The following DTNA variants were observed in gnomAD, a reference collection of about 807,000 sequenced individuals.
DTNA encodes dystrobrevin alpha, also known as dystrophin-related protein 3.
Under a neutral mutation model 100.7 loss-of-function variants are expected in DTNA, and 43 were observed. That is an observed-to-expected ratio of 0.43 (90% CI 0.33 to 0.55). DTNA has a LOEUF of 0.55. Among genes scored for constraint, DTNA ranks in the 20% least tolerant of loss-of-function variants. DTNA has a pLI of 0.04. For synonymous variants in DTNA, 349 were observed against 347.9 expected (o/e 1.00, Z -0.04); for missense variants, 798 against 953.9 (o/e 0.84, Z 2.15).
chr18:34,511,835 T>C (rs1037375972), intron 1 of DTNA, among the ~76,000 whole-genome samples: 8 of 152,068 alleles, frequency 5.3e-5, no homozygotes, highest in African/African-American at 1.7e-4. Context: ...TATTTAAATA[T>C]ATTAGGTGAG....
chr18:34,546,720 T>C (rs1352095750), intron 1 of DTNA, among the ~76,000 whole-genome samples: 1 of 152,000 alleles, frequency 6.6e-6, no homozygotes, highest in Non-Finnish European at 1.5e-5. Context: ...ACCCAGTAAT[T>C]ACCTGCCCTT....
chr18:34,807,492 G>C (rs986650996), intron 5 of DTNA, among the ~76,000 whole-genome samples: 2 of 152,166 alleles, frequency 1.3e-5, no homozygotes, highest in Non-Finnish European at 2.9e-5. Context: ...TTCTGAGTGA[G>C]ATCGCTTGCT....
intron 1 of DTNA, among the ~76,000 whole-genome samples, chr18:34,503,876 G>T (rs2040212302): frequency 6.6e-6 from 1 of 150,732 alleles, no homozygotes; most frequent in African/African-American, 2.4e-5. Context: ...GCCCAGGCTG[G>T]CCAGGCTGGA....
At chr18:34,838,193 C>T in intron 12 of DTNA, 22 bp downstream of exon 12, 1 of 1,612,328 alleles carries the variant, frequency 6.2e-7, no homozygotes, top group Non-Finnish European at 8.5e-7. Context: ...CCAGAGTGTA[C>T]TGGAACCCTG....
chr18:34,827,753 C>G (rs1002628660), intron 10 of DTNA, 77 bp downstream of exon 10: 83 of 1,427,844 alleles, frequency 5.8e-5, no homozygotes, highest in Non-Finnish European at 1.5e-5. Flanking sequence ...AAAATATTCT[C>G]ATGCAAGCCA....
intron 1 of DTNA, among the ~76,000 whole-genome samples, chr18:34,734,273 G>T (rs1842410): frequency 5.3e-5 from 8 of 152,048 alleles, no homozygotes; most frequent in Non-Finnish European, 1.2e-4. Flanking sequence ...GACAAAGGTC[G>T]AAAGGCTGAT....
chr18:34,667,927 A>G (rs1051448025), intron 1 of DTNA, among the ~76,000 whole-genome samples: 4 of 152,318 alleles, frequency 2.6e-5, no homozygotes, highest in African/African-American at 9.6e-5. Context: ...CATCAGGATG[A>G]TGCTGGCCTC....
At chr18:34,577,344 G>C (rs1267287101) in intron 1 of DTNA, among the ~76,000 whole-genome samples, 2 of 152,016 alleles carry the variant, frequency 1.3e-5, no homozygotes, top group Non-Finnish European at 2.9e-5. Context: ...CAATCAATAT[G>C]TGTTTTTATA....
chr18:34,871,657 A>T (rs755262730), intron 17 of DTNA, among the ~76,000 whole-genome samples: 3 of 152,204 alleles, frequency 2.0e-5, no homozygotes, highest in Non-Finnish European at 4.4e-5. Context: ...ACTCAGTGAC[A>T]TCATCACTGA....
chr18:34,747,104 C>CTATCTATCTATATA lies in DTNA; in HGVS notation c.-1-8869_-1-8868insCTATCTATATATAT, dbSNP rs1041438583. Among the ~76,000 whole-genome samples, 1,129 of 148,308 alleles carry CTATCTATCTATATA rather than the reference C, an allele frequency of 7.6e-3. 20 individuals are homozygous for CTATCTATCTATATA. Among genetic ancestry groups the CTATCTATCTATATA allele is most frequent in the African/African-American group, 0.027 (1,087 of 39,848 alleles). ...CCCATATCTATATCTATATCTGTAT[C>CTATCTATCTATATA]TATATATATATATATATGTTTATGT... On this transcript the variant is annotated intron_variant, in intron 1 of 22. Coordinates refer to ENST00000444659, the MANE Select transcript of DTNA (RefSeq NM_001386795.1).
chr18:34,648,410 G>C (rs1417999405), intron 1 of DTNA, among the ~76,000 whole-genome samples: 1 of 152,190 alleles, frequency 6.6e-6, no homozygotes, highest in Non-Finnish European at 1.5e-5. Context: ...CTAGTTGGGA[G>C]ACTATTGGAA....
chr18:34,730,732 A>T (rs2087907018), intron 1 of DTNA, among the ~76,000 whole-genome samples: 2 of 152,048 alleles, frequency 1.3e-5, no homozygotes, highest in South Asian at 4.2e-4. Context: ...CTGTCCCCTA[A>T]CCTGTTATTC....
At chr18:34,509,363 G>C (rs2040807599) in intron 1 of DTNA, among the ~76,000 whole-genome samples, 1 of 152,064 alleles carries the variant, frequency 6.6e-6, no homozygotes, top group Non-Finnish European at 1.5e-5. Context: ...AAAATGCTTT[G>C]ATAGGAAGTA....
At chr18:34,818,505 G>A in intron 8 of DTNA, 175 bp downstream of exon 8, 1 of 1,500,104 alleles carries the variant, frequency 6.7e-7, no homozygotes, top group Non-Finnish European at 8.9e-7. Context: ...TACTTATTCT[G>A]TTGGAACCCA....
At chr18:34,768,981 A>T (rs1346296565) in intron 3 of DTNA, among the ~76,000 whole-genome samples, 1 of 152,184 alleles carries the variant, frequency 6.6e-6, no homozygotes, top group Non-Finnish European at 1.5e-5. Context: ...ACTTTCCTAG[A>T]GAAGGAGATA....
At chr18:34,520,661 A>AT (rs1251700265) in intron 1 of DTNA, among the ~76,000 whole-genome samples, 1 of 152,092 alleles carries the variant, frequency 6.6e-6, no homozygotes, top group Admixed American at 6.6e-5. Context: ...GTCTCAAAAA[A>AT]AAATAATAAT....
At chr18:34,781,393 T>A (rs2094314599) in intron 3 of DTNA, among the ~76,000 whole-genome samples, 1 of 152,194 alleles carries the variant, frequency 6.6e-6, no homozygotes, top group Non-Finnish European at 1.5e-5. Flanking sequence ...TCTTTGTGAT[T>A]AGAGCATTTA....
chr18:34,546,070 A>C (rs1314418113), intron 1 of DTNA, among the ~76,000 whole-genome samples: 1 of 152,124 alleles, frequency 6.6e-6, no homozygotes, highest in Non-Finnish European at 1.5e-5. Context: ...ATTTCCTGTA[A>C]ATTGGTACAA....
At chr18:34,885,259 A>T (rs1260144474) in intron 22 of DTNA, among the ~76,000 whole-genome samples, 2 of 152,196 alleles carry the variant, frequency 1.3e-5, no homozygotes, top group Non-Finnish European at 2.9e-5. Flanking sequence ...AAAGAGAACA[A>T]AAGAGCCCAA....
Sources: gnomAD v4.1 joint callset for allele counts (sites outside exome capture counted in the v4.1 genomes callset) on GRCh38, gnomAD v4.1.1 for gene constraint, MANE v1.5 for transcripts, NCBI Gene and HGNC (gene_info 2026-07-23, HGNC 2026-07-21) for gene names.